KIAA0319: variants seen among roughly 807,000 people sequenced by gnomAD.
KIAA0319 encodes dyslexia-associated protein KIAA0319.
KIAA0319 carries 83 observed loss-of-function variants against 108.4 expected under a neutral mutation model. That is an observed-to-expected ratio of 0.77 (90% CI 0.64 to 0.92). The LOEUF (loss-of-function observed/expected upper bound fraction) is 0.92, where lower values mean the gene tolerates loss of function less well. Among genes scored for constraint, KIAA0319 ranks in the 40% least tolerant of loss-of-function variants. The pLI, the probability that KIAA0319 is intolerant of heterozygous loss-of-function variation, is 0.00. For missense variants in KIAA0319, 1,195 were observed against 1,322.4 expected, an observed-to-expected ratio of 0.90 and a Z score of 1.49; for synonymous variants, 484 against 510.4, an observed-to-expected ratio of 0.95 and a Z score of 0.70.
chr6:24,571,680 T>G (rs148771653), intron 11 of KIAA0319, among the ~76,000 whole-genome samples: 2 of 152,314 alleles, frequency 1.3e-5, no homozygotes, highest in East Asian at 3.9e-4. Context: ...AATCTTCGAA[T>G]GTACCAGACT....
At chr6:24,551,070 C>G (rs548220379) in intron 20 of KIAA0319, among the ~76,000 whole-genome samples, 1 of 152,256 alleles carries the variant, frequency 6.6e-6, no homozygotes, top group South Asian at 2.1e-4. Flanking sequence ...CCTCCACCTC[C>G]CAGTCTCAAG....
intron 1 of KIAA0319, among the ~76,000 whole-genome samples, chr6:24,637,319 T>C: frequency 6.6e-6 from 1 of 152,232 alleles, no homozygotes; most frequent in Non-Finnish European, 1.5e-5. Context: ...GAAAAATGCC[T>C]GGAAAAGCTT....
Position 24,559,146 on chromosome 6 carries a change from A to T in KIAA0319, c.2601T>A (p.Ile867=), listed in dbSNP as rs1212694075. 1 of 1,612,946 alleles carries T rather than the reference A, an allele frequency of 6.2e-7. No individual in the cohort carries two copies. Among genetic ancestry groups the T allele is most frequent in the South Asian group, 1.1e-5 (1 of 90,982 alleles). ...IRAHSDLSTV[I]VFYVQSRPPF... ...GCGGCCTGCTCTGTACATAAAACACAATCACGGTGCTGTGGAGGAGACAAT... is the reference window on the plus strand; with the variant it reads ...GCGGCCTGCTCTGTACATAAAACACTATCACGGTGCTGTGGAGGAGACAAT... Residue 867 remains isoleucine (I), a synonymous_variant, in exon 17 of 21, where the codon ATT becomes ATA. Transcript: ENST00000378214.
chr6:24,621,834 A>C (rs1171574031), intron 1 of KIAA0319, among the ~76,000 whole-genome samples: 1 of 152,224 alleles, frequency 6.6e-6, no homozygotes, highest in Non-Finnish European at 1.5e-5. Context: ...TGGTGACAGC[A>C]CTGGAGAAGC....
chr6:24,549,537 G>T lies in KIAA0319; in HGVS notation c.3040+1897C>A, dbSNP rs1010355143. ...GTTAGAGCAGCCCAAACAGACCAAG[G>T]CAGAGGCAGTGCAACATAGAGGAAG... On this transcript the variant is annotated intron_variant, in intron 20 of 20. Coordinates refer to ENST00000378214, the MANE Select transcript of KIAA0319 (RefSeq NM_014809.4). Among the ~76,000 whole-genome samples, 3 of 152,044 alleles carry T rather than the reference G, an allele frequency of 2.0e-5. No individual in the cohort carries two copies. In the South Asian group the frequency reaches 6.2e-4, roughly 32 times the overall value.
At chr6:24,548,558 TGGAG>T (rs149877808) in intron 20 of KIAA0319, among the ~76,000 whole-genome samples, 8,592 of 152,192 alleles carry the variant, frequency 0.056, 295 homozygotes, top group African/African-American at 0.075. Context: ...GTTTTAGGCT[TGGAG>T]GTGGGGTTTC....
In KIAA0319 at chr6:24,588,676, A is replaced by G; in HGVS notation, c.911T>C (p.Ile304Thr). 2 of 1,614,014 alleles carry G rather than the reference A, an allele frequency of 1.2e-6. No homozygotes were observed. Among genetic ancestry groups the G allele is most frequent in the Non-Finnish European group, 1.7e-6 (2 of 1,179,956 alleles). ...TVTPGSTEHS[I>T]PTPPTSAAPS... The stretch of plus-strand genomic sequence containing the variant: ...GGCTGCGCTAGTGGGAGGTGTTGGG[A>G]TGCTGTGCTCTGTACTCCCCGGGGT... Residue 304 changes from isoleucine (I) to threonine (T), a missense_variant, in exon 4 of 21, where the codon ATC becomes ACC. Coordinates refer to ENST00000378214, the MANE Select transcript of KIAA0319 (RefSeq NM_014809.4).
chr6:24,588,621 G>A lies in KIAA0319; in HGVS notation c.966C>T (p.Pro322=). Residue 322 remains proline, a synonymous_variant, in exon 4 of 21, where the codon CCC becomes CCT. Transcript: ENST00000378214. The part of the protein sequence containing the change: ...APSESTPSEL[P]ISPTTAPRTV... ...TCCTGGGAGCAGTGGTAGGAGATAT[G>A]GGTAGCTCAGATGGGGTGGACTCAG... The A allele has an allele frequency of 6.2e-7, 1 of 1,613,768 alleles. No individual in the cohort carries two copies. Among genetic ancestry groups the A allele is most frequent in the South Asian group, 1.1e-5 (1 of 91,052 alleles).
chr6:24,622,743 C>CA (rs1334742289), intron 1 of KIAA0319, among the ~76,000 whole-genome samples: 2 of 152,100 alleles, frequency 1.3e-5, no homozygotes, highest in Non-Finnish European at 2.9e-5. Context: ...GGTGAGGAAA[C>CA]AGAGTTAAAG....
At chr6:24,635,108 C>CTTTT (rs543116708) in intron 1 of KIAA0319, among the ~76,000 whole-genome samples, 1 of 142,824 alleles carries the variant, frequency 7.0e-6, no homozygotes, top group Admixed American at 7.0e-5. Context: ...TTCTTTCTTT[C>CTTTT]TTTTTTTTTT....
At position 24,596,003 on chromosome 6, in the gene KIAA0319, G is replaced by A. The variant is rs1562025272; in HGVS notation, c.671C>T (p.Thr224Ile). The change falls in exon 3 of 21, where the codon ACC (threonine) becomes ATC (isoleucine). Residue 224 changes from threonine to isoleucine, a missense_variant. Thr to Ile is a moderately conservative substitution (Grantham distance 89). Coordinates refer to ENST00000378214, the MANE Select transcript of KIAA0319 (RefSeq NM_014809.4). ...ELHYLNESASTPAPKLPERSV... is the reference protein window; with the variant it reads ...ELHYLNESASIPAPKLPERSV... Reference sequence around the variant, plus strand: ...TCTCTCAGGGAGTTTTGGGGCAGGGGTTGAAGCCGACTCATTCAGGTAATG... The same window carrying A: ...TCTCTCAGGGAGTTTTGGGGCAGGGATTGAAGCCGACTCATTCAGGTAATG... The A allele has an allele frequency of 6.2e-7, 1 of 1,614,216 alleles. No homozygotes were observed. Among genetic ancestry groups the A allele is most frequent in the Admixed American group, 1.7e-5 (1 of 60,030 alleles).
intron 3 of KIAA0319, among the ~76,000 whole-genome samples, chr6:24,592,735 C>T (rs1358511613): frequency 6.6e-6 from 1 of 152,100 alleles, no homozygotes; most frequent in African/African-American, 2.4e-5. Flanking sequence ...TTTTGGGAGG[C>T]CAAGGCAGGC....
chr6:24,554,282 T>C (rs1272154483), intron 19 of KIAA0319, among the ~76,000 whole-genome samples: 2 of 152,186 alleles, frequency 1.3e-5, no homozygotes, highest in East Asian at 3.8e-4. Flanking sequence ...ACCACTCTAG[T>C]GAATATAATG....
At chr6:24,574,483 G>T (rs1036839337) in intron 10 of KIAA0319, among the ~76,000 whole-genome samples, 2 of 152,122 alleles carry the variant, frequency 1.3e-5, no homozygotes, top group Non-Finnish European at 2.9e-5. Context: ...GTCAACCTAA[G>T]TTTTTACAAA....
rs1362231096 is a variant in KIAA0319, at chr6:24,544,811, C to T, written c.*2354G>A. 2.6e-5 allele frequency: 4 copies of T among 152,310 alleles called. No homozygotes were observed. The highest frequency in any genetic ancestry group is 3.9e-4 in the East Asian group (2 of 5,188). The allele number at this position is 152,310 out of a possible 1,614,324, so 9.4% of individuals were successfully genotyped here. A position where few individuals can be genotyped will look rare whatever the true frequency, so the allele number is the denominator to read the frequency against. ...AGAATGCTGGTTGGTCATTCCATCT[C>T]GTGCTTTGTTCTGATGAGAAATGGG... On this transcript the variant is annotated 3_prime_UTR_variant, in exon 21 of 21. Coordinates refer to ENST00000378214, the MANE Select transcript of KIAA0319 (RefSeq NM_014809.4).
intron 4 of KIAA0319, among the ~76,000 whole-genome samples, chr6:24,585,772 G>C (rs903916161): frequency 3.3e-5 from 5 of 152,116 alleles, no homozygotes; most frequent in African/African-American, 1.2e-4. Flanking sequence ...ACTGATTGAT[G>C]TCTTATGTCT....
chr6:24,554,022 C>CA (rs1761951138), intron 19 of KIAA0319, among the ~76,000 whole-genome samples: 1 of 152,212 alleles, frequency 6.6e-6, no homozygotes, highest in Admixed American at 6.5e-5. Flanking sequence ...TAGAGTCAGT[C>CA]AGAAGCCCAG....
chr6:24,553,294 T>TATATACACAC (rs1554142428), intron 19 of KIAA0319, among the ~76,000 whole-genome samples: 19 of 91,064 alleles, frequency 2.1e-4, no homozygotes, highest in African/African-American at 9.1e-4. Context: ...TATATATATA[T>TATATACACAC]ACACACACAC....
chr6:24,568,860 C>A lies in KIAA0319; in HGVS notation c.2061G>T (p.Gly687=). 6.2e-7 allele frequency: 1 copy of A among 1,614,126 alleles called. No homozygotes were observed. The highest frequency in any genetic ancestry group is 8.5e-7 in the Non-Finnish European group (1 of 1,179,986). Reference sequence around the variant, plus strand: ...TCACTGTCAAACGGAAGTGGTAGGTCCCCACCTGGAGACCAGTCACAGTGG... The same window carrying A: ...TCACTGTCAAACGGAAGTGGTAGGTACCCACCTGGAGACCAGTCACAGTGG... ...AIATVTGLQV[G]TYHFRLTVKD... Residue 687 remains glycine (G), a synonymous_variant, in exon 13 of 21, where the codon GGG becomes GGT. Coordinates refer to ENST00000378214, the MANE Select transcript of KIAA0319 (RefSeq NM_014809.4).
Sources: gnomAD v4.1 joint callset for allele counts (sites outside exome capture counted in the v4.1 genomes callset) on GRCh38, gnomAD v4.1.1 for gene constraint, MANE v1.5 for transcripts, NCBI Gene and HGNC (gene_info 2026-07-23, HGNC 2026-07-21) for gene names.